TBC1D2B: variants seen among roughly 807,000 people sequenced by gnomAD.
The protein encoded by TBC1D2B is TBC1 domain family member 2B.
In TBC1D2B, 64 loss-of-function variants were observed where a neutral mutation model predicts 100.8. That is an observed-to-expected ratio of 0.64 (90% CI 0.52 to 0.78). TBC1D2B has a LOEUF of 0.78. Among genes scored for constraint, TBC1D2B ranks in the 30% least tolerant of loss-of-function variants. The pLI, the probability that TBC1D2B is intolerant of heterozygous loss-of-function variation, is 0.00. For synonymous variants in TBC1D2B, 480 were observed against 479.7 expected, an observed-to-expected ratio of 1.00 and a Z score of -0.01; for missense variants, 1,052 against 1,218.4, an observed-to-expected ratio of 0.86 and a Z score of 2.03.
chr15:78,034,088 CTATT>C (rs2072885402), intron 3 of TBC1D2B, among the ~76,000 whole-genome samples: 1 of 152,188 alleles, frequency 6.6e-6, no homozygotes, highest in South Asian at 2.1e-4. Flanking sequence ...CTTGCACGTG[CTATT>C]TATTTCCTGT....
At chr15:78,073,594 T>C (rs2073773814) in intron 1 of TBC1D2B, among the ~76,000 whole-genome samples, 1 of 152,104 alleles carries the variant, frequency 6.6e-6, no homozygotes, top group Non-Finnish European at 1.5e-5. Flanking sequence ...GGAAGATAAA[T>C]TGGTAATTTC....
intron 6 of TBC1D2B, among the ~76,000 whole-genome samples, chr15:78,019,458 T>C (rs1361796765): frequency 1.3e-5 from 2 of 152,274 alleles, no homozygotes; most frequent in Non-Finnish European, 1.5e-5. Context: ...AGAACTTCGA[T>C]AGGCATCATA....
intron 1 of TBC1D2B, among the ~76,000 whole-genome samples, chr15:78,075,701 G>A (rs2073817718): frequency 6.6e-6 from 1 of 152,204 alleles, no homozygotes; most frequent in South Asian, 2.1e-4. Flanking sequence ...AGCCTGTGTA[G>A]GACTGCAACC....
chr15:78,068,377 CCACACCCACA>C (rs2073692793), intron 1 of TBC1D2B, among the ~76,000 whole-genome samples: 1 of 99,942 alleles, frequency 1.0e-5, no homozygotes, highest in South Asian at 3.0e-4. Context: ...AGCACACACA[CCACACCCACA>C]CACACACACA....
chr15:78,040,835 G>GAAA (rs749407980), intron 3 of TBC1D2B, among the ~76,000 whole-genome samples: 1 of 75,362 alleles, frequency 1.3e-5, no homozygotes, highest in East Asian at 4.5e-4. Context: ...AGGAAAGAAA[G>GAAA]AAAAAAGAAA....
chr15:78,032,905 G>A (rs4886993), intron 3 of TBC1D2B, among the ~76,000 whole-genome samples: 135,162 of 152,138 alleles, frequency 0.89, 60,753 homozygotes, highest in East Asian at 0.99. Context: ...TCACTGAAGG[G>A]GACGAGAAGG....
At chr15:78,025,226 TG>T (rs2072628757) in intron 5 of TBC1D2B, 32 bp downstream of exon 5, 2 of 1,584,248 alleles carry the variant, frequency 1.3e-6, no homozygotes, top group African/African-American at 1.3e-5. Flanking sequence ...CCTGCTGAGG[TG>T]GGGTAAGACA....
intron 1 of TBC1D2B, among the ~76,000 whole-genome samples, chr15:78,061,174 G>A (rs7181594): frequency 0.62 from 94,146 of 151,736 alleles, 29,113 homozygotes; most frequent in Admixed American, 0.64. Context: ...AACCTGGGAG[G>A]CAGAGATTAC....
chr15:78,010,371 C>T (rs1357831128), intron 9 of TBC1D2B, among the ~76,000 whole-genome samples: 2 of 152,158 alleles, frequency 1.3e-5, no homozygotes, highest in Non-Finnish European at 2.9e-5. Flanking sequence ...AAAGGCCTCC[C>T]TCTACTCAGC....
In TBC1D2B at chr15:78,025,456, G is replaced by A. The variant is rs1446584386; in HGVS notation, c.889C>T (p.Pro297Ser). Residue 297 changes from proline to serine, a missense_variant, in exon 5 of 13, where the codon CCC (proline) becomes TCC (serine). Coordinates refer to ENST00000300584, the MANE Select transcript of TBC1D2B (RefSeq NM_144572.2). ...SGFPFDFGRN[P>S]YKGKRPLKDI... is the part of the protein sequence containing the mutation. ...TTCAAAGGGCGCTTTCCTTTGTAGG[G>A]GTTACGTCCAAAATCAAAGGGGAAT... The A allele has an allele frequency of 1.9e-6, 3 of 1,613,550 alleles. No individual in the cohort carries two copies. The highest frequency in any genetic ancestry group is 1.1e-5 in the South Asian group (1 of 91,030).
At chr15:78,025,229 G>A (rs536008102) in intron 5 of TBC1D2B, 30 bp downstream of exon 5, 3 of 1,593,944 alleles carry the variant, frequency 1.9e-6, no homozygotes, top group South Asian at 1.1e-5. Flanking sequence ...GCTGAGGTGG[G>A]GTAAGACAGA....
At chr15:78,039,846 C>A (rs1029740649) in intron 3 of TBC1D2B, among the ~76,000 whole-genome samples, 2 of 152,100 alleles carry the variant, frequency 1.3e-5, no homozygotes, top group African/African-American at 4.8e-5. Context: ...CAACATCACA[C>A]ACCCAATAAG....
At chr15:78,034,429 A>G in intron 3 of TBC1D2B, 1 of 929,116 alleles carries the variant, frequency 1.1e-6, no homozygotes, top group Non-Finnish European at 1.3e-6. Context: ...CTCAGGTGGC[A>G]TGTGACTACC....
At chr15:77,999,191 C>A (rs1194337048) in intron 12 of TBC1D2B, 13 of 430,244 alleles carry the variant, frequency 3.0e-5, no homozygotes, top group Non-Finnish European at 4.8e-5. Flanking sequence ...GGCTCATGCG[C>A]TTCCCTGTCA....
At chr15:78,001,821 C>A in intron 11 of TBC1D2B, 81 bp from the exon 12 acceptor site, 1 of 1,483,168 alleles carries the variant, frequency 6.7e-7, no homozygotes, top group South Asian at 1.3e-5. Context: ...GGGGTGCTGG[C>A]CCTACTGGGG....
intron 2 of TBC1D2B, among the ~76,000 whole-genome samples, chr15:78,049,405 G>A (rs2073265098): frequency 6.6e-6 from 1 of 152,178 alleles, no homozygotes; most frequent in African/African-American, 2.4e-5. Flanking sequence ...ACATGGCATG[G>A]GACAAAAGGC....
chr15:77,998,608 C>T, intron 12 of TBC1D2B: 1 of 450,166 alleles, frequency 2.2e-6, no homozygotes, highest in Non-Finnish European at 4.0e-6. Context: ...CTGAAGTCAC[C>T]CCCCTTTTCT....
rs907875354 is a variant in TBC1D2B at position 78,074,857 on chromosome 15, G to C, written c.360+2436C>G. ...TGACACCTATAGCTCTAGTACCTTTGTTTACTACTGCATAATATTCCACTA... is the reference window on the plus strand; with the variant it reads ...TGACACCTATAGCTCTAGTACCTTTCTTTACTACTGCATAATATTCCACTA... On this transcript the variant is annotated intron_variant, in intron 1 of 12. Transcript: ENST00000300584. Among the ~76,000 whole-genome samples the C allele has an allele frequency of 3.3e-5, 5 of 152,126 alleles. 1 individual carries two copies. The highest frequency in any genetic ancestry group is 1.2e-4 in the African/African-American group (5 of 41,402).
intron 1 of TBC1D2B, among the ~76,000 whole-genome samples, chr15:78,055,048 T>G (rs541458667): frequency 1.3e-5 from 2 of 152,322 alleles, no homozygotes; most frequent in Admixed American, 1.3e-4. Flanking sequence ...AAATGCATAT[T>G]GCCAAGTGAA....
Sources: gnomAD v4.1 joint callset for allele counts (sites outside exome capture counted in the v4.1 genomes callset) on GRCh38, gnomAD v4.1.1 for gene constraint, MANE v1.5 for transcripts, NCBI Gene and HGNC (gene_info 2026-07-23, HGNC 2026-07-21) for gene names.